The following RYR1 variants were observed in gnomAD, a reference collection of about 807,000 sequenced individuals.
RYR1 encodes the protein central core disease of muscle.
RYR1 carries 342 observed loss-of-function variants against 583.5 expected under a neutral mutation model. The ratio of observed to expected loss-of-function variants is 0.59; its 90% confidence interval spans 0.54 to 0.64. RYR1 has a LOEUF of 0.64. Ranked by LOEUF, RYR1 falls within the 30% of genes least tolerant of loss-of-function variation. The pLI is 0.00. For synonymous variants in RYR1, 2,791 were observed against 2,822.5 expected, an observed-to-expected ratio of 0.99 and a Z score of 0.35; for missense variants, 6,032 against 6,917.2, an observed-to-expected ratio of 0.87 and a Z score of 4.54.
intron 91 of RYR1, among the ~76,000 whole-genome samples, chr19:38,566,448 CAAAAAAAAAA>C (rs71165563): frequency 3.3e-4 from 17 of 51,068 alleles, no homozygotes; most frequent in South Asian, 9.4e-4. Flanking sequence ...GACTCTGTCT[CAAAAAAAAAA>C]AAAAAAAAAA....
chr19:38,482,491 C>T (rs1191587430), intron 31 of RYR1, among the ~76,000 whole-genome samples: 5 of 152,228 alleles, frequency 3.3e-5, no homozygotes, highest in Non-Finnish European at 7.4e-5. Context: ...TGTTCTGTCA[C>T]CCAGGCTGAA....
chr19:38,569,333 T>A (rs79969356), intron 93 of RYR1, among the ~76,000 whole-genome samples: 7 of 151,966 alleles, frequency 4.6e-5, no homozygotes, highest in African/African-American at 7.3e-5. Context: ...TTTTTTTTTT[T>A]AATTACTGCT....
chr19:38,532,855 C>A, intron 78 of RYR1, 119 bp downstream of exon 78: 1 of 996,936 alleles, frequency 1.0e-6, no homozygotes, highest in South Asian at 1.4e-5. Flanking sequence ...GTGACCAAGT[C>A]AGTCCACTGG....
chr19:38,509,300 C>G lies in RYR1; in HGVS notation c.8933-1198C>G, dbSNP rs773401969. ...GGTGACCTGGGGTTAGTTACTTCAC[C>G]TGAGTTTCCTCATCTGAAAAATGGG... On this transcript the variant is annotated intron_variant, in intron 58 of 105. Transcript: ENST00000359596. 1.4e-4 allele frequency among the ~76,000 whole-genome samples: 22 copies of G among 152,208 alleles called. 1 individual carries two copies. In the East Asian group the frequency reaches 3.3e-3, roughly 23 times the overall value.
intron 84 of RYR1, among the ~76,000 whole-genome samples, chr19:38,541,798 C>T (rs184345143): frequency 5.9e-5 from 9 of 151,912 alleles, no homozygotes; most frequent in African/African-American, 2.2e-4. Flanking sequence ...TTCACAAGGG[C>T]AGGGGCTGGA....
chr19:38,517,936 T>C (rs1404015132), intron 66 of RYR1, among the ~76,000 whole-genome samples: 3 of 152,096 alleles, frequency 2.0e-5, no homozygotes, highest in Non-Finnish European at 2.9e-5. Flanking sequence ...CACGACCCCA[T>C]CTCTTTAAAA....
In RYR1 at chr19:38,470,218, C is replaced by T. The variant is rs1193688878; in HGVS notation, c.3765+705C>T. ...AGTGAGCTGTGTTCACACCACTGCA[C>T]TCTAGCCTAAGAGACAGAGCAAGAC... is the stretch of plus-strand genomic sequence containing the variant. On this transcript the variant is annotated intron_variant, in intron 27 of 105. Coordinates refer to ENST00000359596, the MANE Select transcript of RYR1 (RefSeq NM_000540.3). Among the ~76,000 whole-genome samples the T allele has an allele frequency of 3.3e-5, 5 of 151,648 alleles. No homozygotes were observed. The East Asian group carries it at 9.7e-4, about 29-fold the overall frequency.
Position 38,469,119 on chromosome 19 carries a change from C to G in RYR1, c.3535C>G (p.Arg1179Gly). The change falls in exon 26 of 106, where the codon CGG becomes GGG. Residue 1179 changes from arginine to glycine, a missense_variant. Transcript: ENST00000359596. ...MSDSGSETAF[R>G]EIEIGDGFLP... ...TGACTCAGGCTCCGAAACAGCCTTC[C>G]GGGAGATTGAGATTGGGGACGGTGA... The G allele has an allele frequency of 1.2e-6, 2 of 1,614,190 alleles. No individual in the cohort carries two copies. The highest frequency in any genetic ancestry group is 1.7e-6 in the Non-Finnish European group (2 of 1,180,030).
intron 76 of RYR1, among the ~76,000 whole-genome samples, chr19:38,531,380 A>G (rs1205869837): frequency 1.3e-5 from 2 of 151,738 alleles, no homozygotes; most frequent in African/African-American, 2.4e-5. Context: ...CTATTAACAT[A>G]CCCACCCAAT....
chr19:38,484,925 C>T (rs992783445), intron 33 of RYR1, among the ~76,000 whole-genome samples: 1 of 151,732 alleles, frequency 6.6e-6, no homozygotes, highest in Admixed American at 6.6e-5. Flanking sequence ...GAGCTAGGAT[C>T]GCACCACTGC....
rs764290303 is a variant in RYR1, at chr19:38,485,752, C to T, written c.5097C>T (p.Asp1699=). The T allele has an allele frequency of 6.8e-6, 11 of 1,612,940 alleles. No individual in the cohort carries two copies. The highest frequency in any genetic ancestry group is 6.6e-5 in the South Asian group (6 of 91,084). Reference sequence around the variant, plus strand: ...CTCAGCTGCTGCACGCCCTGGAGGACGCGCACCTGCCAGGCCCACTGCGCG... The same window carrying T: ...CTCAGCTGCTGCACGCCCTGGAGGATGCGCACCTGCCAGGCCCACTGCGCG... ...DQAQLLHALE[D]AHLPGPLRAG... Residue 1699 remains aspartate (D), a synonymous_variant, in exon 34 of 106, where the codon GAC becomes GAT. Transcript: ENST00000359596.
At chr19:38,451,062 A>G (rs1967050631) in intron 11 of RYR1, among the ~76,000 whole-genome samples, 3 of 152,228 alleles carry the variant, frequency 2.0e-5, no homozygotes, top group African/African-American at 7.2e-5. Context: ...GCTCAGAAGG[A>G]CAGGGATCTT....
Position 38,502,799 on chromosome 19 carries a change from AGGGGCAGGGG to A in RYR1, c.7835+74_7836-70del, listed in dbSNP as rs1568506701. 3.9e-5 allele frequency: 16 copies of A among 406,254 alleles called. 1 individual carries two copies. Among genetic ancestry groups the A allele is most frequent in the East Asian group, 5.9e-5 (1 of 16,924 alleles). 25.2% of individuals were successfully genotyped at this position (406,254 alleles called of 1,614,324 possible). The stretch of plus-strand genomic sequence containing the variant: ...CAGGGGCAGGGGCAGGGGCAGGGGC[AGGGGCAGGGG>A]GAGGAGCAGGGGCAGGGGCAGCAGA... On this transcript the variant is annotated intron_variant, in intron 48 of 105. Transcript: ENST00000359596.
chr19:38,586,777 C>A (rs1974511206), intron 105 of RYR1, among the ~76,000 whole-genome samples: 1 of 152,162 alleles, frequency 6.6e-6, no homozygotes, highest in African/African-American at 2.4e-5. Flanking sequence ...TCAAGACCAG[C>A]CTGGCCAGCA....
Position 38,565,686 on chromosome 19 carries a change from C to T in RYR1, c.13352C>T (p.Ala4451Val), listed in dbSNP as rs886054408. The stretch of plus-strand genomic sequence containing the variant: ...GGGGGCCCCTTCCGGCCCGAAGGGG[C>T]TGGCGGTCTCGGGGACATGGGGGAC... ...TDGGPFRPEG[A>V]GGLGDMGDTT... is the part of the protein sequence containing the mutation. The change falls in exon 91 of 106, where the codon GCT becomes GTT. Residue 4451 changes from alanine to valine, a missense_variant. This residue lies in a region of RYR1 where 753 missense variants were observed against 759.6 expected (regional missense o/e 0.99). Transcript: ENST00000359596. The surrounding 1 kb of genome is among the most constrained non-coding windows in gnomAD (Gnocchi z 4.7). The T allele has an allele frequency of 7.1e-7, 1 of 1,408,412 alleles. No individual in the cohort carries two copies. The highest frequency in any genetic ancestry group is 9.2e-7 in the Non-Finnish European group (1 of 1,090,168). 87.2% of individuals were successfully genotyped at this position (1,408,412 alleles called of 1,614,324 possible).
chr19:38,495,511 A>C (rs1453220607), intron 39 of RYR1, among the ~76,000 whole-genome samples: 3 of 151,784 alleles, frequency 2.0e-5, no homozygotes, highest in African/African-American at 7.3e-5. Flanking sequence ...ATACCCAGCT[A>C]ATTTGTAAAT....
intron 37 of RYR1, among the ~76,000 whole-genome samples, chr19:38,491,220 C>T (rs757709377): frequency 5.3e-5 from 8 of 152,106 alleles, no homozygotes; most frequent in African/African-American, 1.4e-4. Context: ...TTTAGTATGA[C>T]GTGTCTAGGT....
chr19:38,528,221 C>T (rs765270330), intron 73 of RYR1, 85 bp from the exon 74 acceptor site: 1 of 1,139,554 alleles, frequency 8.8e-7, no homozygotes, highest in South Asian at 1.3e-5. Flanking sequence ...ATATGGACTT[C>T]GACACAGCTG....
rs1442355076 is a variant in RYR1, at chr19:38,561,385, G to C, written c.12555G>C (p.Ala4185=). ...PYLGRIEIMG[A]SRRIERIYFE... is the part of the protein sequence containing the mutation. ...TGGGCCGCATCGAGATCATGGGCGC[G>C]TCACGCCGCATCGAGCGCATCTACT... The change falls in exon 90 of 106, where the codon GCG becomes GCC. Residue 4185 remains alanine, a synonymous_variant. Transcript: ENST00000359596. This position sits in a 1 kb window ranked among gnomAD's most constrained non-coding sequence, Gnocchi z 4.8. The C allele has an allele frequency of 1.2e-6, 2 of 1,613,452 alleles. No homozygotes were observed. Among genetic ancestry groups the C allele is most frequent in the East Asian group, 4.5e-5 (2 of 44,880 alleles).
Sources: allele counts gnomAD v4.1 joint callset (sites outside exome capture counted in the v4.1 genomes callset), GRCh38; gene constraint gnomAD v4.1.1; regional missense constraint gnomAD v4.1.1; non-coding constraint Gnocchi (gnomAD v3.1); transcripts MANE v1.5; gene names NCBI Gene and HGNC (gene_info 2026-07-23, HGNC 2026-07-21).